The following PTPN9 variants were observed in gnomAD, a reference collection of about 807,000 sequenced individuals.
PTPN9 encodes protein tyrosine phosphatase non-receptor type 9, also known as tyrosine-protein phosphatase non-receptor type 9.
A neutral mutation model predicts 69.8 loss-of-function variants in PTPN9; 26 were observed. The observed-to-expected ratio is 0.37, with a 90% CI of 0.27 to 0.52. The LOEUF is 0.52. Among genes scored for constraint, PTPN9 ranks in the 20% least tolerant of loss-of-function variants. PTPN9 has a pLI of 0.91. For synonymous variants in PTPN9, 274 were observed against 272.5 expected, an observed-to-expected ratio of 1.01 and a Z score of -0.05; for missense variants, 549 against 740.3, an observed-to-expected ratio of 0.74 and a Z score of 3.00.
chr15:75,494,131 C>CATATATATATATATATATATAT (rs71140166), intron 7 of PTPN9, among the ~76,000 whole-genome samples: 17 of 143,516 alleles, frequency 1.2e-4, no homozygotes, highest in African/African-American at 4.1e-4. Flanking sequence ...TTATCAATCC[C>CATATATATATATATATATATAT]ATATATATAT....
intron 1 of PTPN9, among the ~76,000 whole-genome samples, chr15:75,557,559 C>T (rs1375992298): frequency 6.6e-6 from 1 of 152,096 alleles, no homozygotes; most frequent in Non-Finnish European, 1.5e-5. Context: ...GGTAGTTCTA[C>T]CTTTAATCTT....
chr15:75,492,134 A>C (rs1188070302), intron 7 of PTPN9, among the ~76,000 whole-genome samples: 1 of 152,138 alleles, frequency 6.6e-6, no homozygotes, highest in African/African-American at 2.4e-5. Context: ...CAGCCTCCCA[A>C]AGTGCTGGGA....
intron 6 of PTPN9, 42 bp from the exon 7 acceptor site, chr15:75,506,045 G>A (rs2074818199): frequency 6.9e-7 from 1 of 1,458,252 alleles, no homozygotes; most frequent in Non-Finnish European, 9.5e-7. Context: ...TGGGAGGAGG[G>A]AAAGGCATAT....
intron 5 of PTPN9, among the ~76,000 whole-genome samples, chr15:75,512,243 A>G (rs1375764042): frequency 2.0e-5 from 3 of 151,766 alleles, no homozygotes; most frequent in Non-Finnish European, 1.5e-5. Flanking sequence ...GGTTTTATCA[A>G]CTGGGCTGGA....
intron 1 of PTPN9, 39 bp downstream of exon 1, chr15:75,578,675 C>G: frequency 7.4e-7 from 1 of 1,348,074 alleles, no homozygotes; most frequent in South Asian, 1.7e-5. Context: ...GCCTCGGGGG[C>G]CCGGACACAC....
At chr15:75,504,197 G>A (rs1387656018) in intron 7 of PTPN9, among the ~76,000 whole-genome samples, 4 of 118,126 alleles carry the variant, frequency 3.4e-5, no homozygotes, top group Admixed American at 2.5e-4. Context: ...CCCCATGTCC[G>A]GGAGGGAGGT....
chr15:75,472,319 C>T (rs1430833316), intron 10 of PTPN9, among the ~76,000 whole-genome samples: 1 of 151,256 alleles, frequency 6.6e-6, no homozygotes, highest in Non-Finnish European at 1.5e-5. Context: ...ATTAGCCGGG[C>T]GAGGTGGCGG....
chr15:75,552,716 T>C (rs191199208), intron 1 of PTPN9, among the ~76,000 whole-genome samples: 56 of 150,370 alleles, frequency 3.7e-4, no homozygotes, highest in African/African-American at 1.3e-3. Context: ...GATGGGTCTA[T>C]TGGGACATAA....
chr15:75,531,211 G>C (rs553048511), intron 1 of PTPN9, among the ~76,000 whole-genome samples: 21 of 151,906 alleles, frequency 1.4e-4, no homozygotes, highest in African/African-American at 4.8e-4. Flanking sequence ...CTGAGCTTTA[G>C]AGCCTTACGA....
chr15:75,488,969 A>G (rs1297442866), intron 8 of PTPN9, among the ~76,000 whole-genome samples: 1 of 151,892 alleles, frequency 6.6e-6, no homozygotes, highest in African/African-American at 2.4e-5. Context: ...AGGTCAGGAG[A>G]TCGAGACCAT....
At chr15:75,537,111 G>C (rs999167538) in intron 1 of PTPN9, among the ~76,000 whole-genome samples, 1 of 151,846 alleles carries the variant, frequency 6.6e-6, no homozygotes, top group African/African-American at 2.4e-5. Context: ...CAGCACTTTG[G>C]GAGGCCAAGG....
At chr15:75,481,358 G>GC (rs2074633495) in intron 8 of PTPN9, among the ~76,000 whole-genome samples, 2 of 5,522 alleles carry the variant, frequency 3.6e-4, no homozygotes, top group Admixed American at 2.0e-3. Context: ...GTCAGCCCCC[G>GC]GCCCGGCCAG....
rs534426395 is a variant in PTPN9, at chr15:75,512,212, CT to C, written c.529-3186del. ...TATTTGGCTAAAGATTATGAATATT[CT>C]TTTTTTTTTTTTAAGACAGGGTTTT... On this transcript the variant is annotated intron_variant, in intron 5 of 12. Coordinates refer to ENST00000618819, the MANE Select transcript of PTPN9 (RefSeq NM_002833.4). Among the ~76,000 whole-genome samples the C allele has an allele frequency of 3.0e-3, 427 of 143,294 alleles. 1 individual carries two copies. Among genetic ancestry groups the C allele is most frequent in the East Asian group, 6.3e-3 (31 of 4,954 alleles). The allele number at this position is 143,294 out of a possible 152,430, so 94.0% of individuals were successfully genotyped here.
chr15:75,496,505 T>TC (rs1435134660), intron 7 of PTPN9, among the ~76,000 whole-genome samples: 1 of 150,964 alleles, frequency 6.6e-6, no homozygotes, highest in East Asian at 1.9e-4. Flanking sequence ...TAACTTTTTT[T>TC]TTTTTTTTTG....
chr15:75,503,850 A>G (rs1595955072), intron 7 of PTPN9, among the ~76,000 whole-genome samples: 1 of 90,346 alleles, frequency 1.1e-5, no homozygotes, highest in Non-Finnish European at 2.2e-5. Context: ...TCCGGGAGGG[A>G]GGTGAGGGGG....
At chr15:75,558,546 C>T (rs946128406) in intron 1 of PTPN9, among the ~76,000 whole-genome samples, 4 of 152,030 alleles carry the variant, frequency 2.6e-5, no homozygotes, top group Admixed American at 2.6e-4. Context: ...GTCTCCCGAT[C>T]CCTCTCTTGC....
At position 75,467,340 on chromosome 15, in the gene PTPN9, CA is replaced by C. The variant is rs923324018; in HGVS notation, c.*1428del. The C allele has an allele frequency of 4.7e-4, 72 of 152,656 alleles. 1 individual carries two copies. The highest frequency in any genetic ancestry group is 1.5e-3 in the African/African-American group (62 of 41,520). The allele number at this position is 152,656 out of a possible 1,614,324, so 9.5% of individuals were successfully genotyped here. The stretch of plus-strand genomic sequence containing the variant: ...CAGCTGCCAACCTCATCTTCTGTCA[CA>C]GGGGAAGGTTTAGGAGTTCCTGGGA... On this transcript the variant is annotated 3_prime_UTR_variant, in exon 13 of 13. Coordinates refer to ENST00000618819, the MANE Select transcript of PTPN9 (RefSeq NM_002833.4).
At chr15:75,494,358 T>G (rs2074728092) in intron 7 of PTPN9, among the ~76,000 whole-genome samples, 1 of 151,996 alleles carries the variant, frequency 6.6e-6, no homozygotes, top group African/African-American at 2.4e-5. Flanking sequence ...TGAATCTTTT[T>G]TTTTGCAGGG....
chr15:75,515,673 G>A (rs1285318109), intron 5 of PTPN9, among the ~76,000 whole-genome samples: 2 of 152,032 alleles, frequency 1.3e-5, no homozygotes, highest in Non-Finnish European at 2.9e-5. Context: ...CGAGGCGGGT[G>A]GATCACCCCA....
Sources: allele counts gnomAD v4.1 joint callset (sites outside exome capture counted in the v4.1 genomes callset), GRCh38; gene constraint gnomAD v4.1.1; transcripts MANE v1.5; gene names NCBI Gene and HGNC (gene_info 2026-07-23, HGNC 2026-07-21).